Variants in SETD7 observed in about 807,000 individuals in gnomAD.
The protein encoded by SETD7 is histone-lysine N-methyltransferase SETD7.
Under a neutral mutation model 41.8 loss-of-function variants are expected in SETD7, and 16 were observed. The ratio of observed to expected loss-of-function variants is 0.38; its 90% CI spans 0.26 to 0.58. The LOEUF is 0.58. Ranked by LOEUF, SETD7 falls within the 20% of genes least tolerant of loss-of-function variation. The probability of loss-of-function intolerance (pLI) is 0.64; values close to 1 mark genes in which losing one functional copy is unlikely to be tolerated. For synonymous variants in SETD7, 163 were observed against 169.7 expected (o/e 0.96, Z 0.31); for missense variants, 346 against 459.7 (o/e 0.75, Z 2.26).
rs145373364 is a variant in SETD7 at position 139,550,463 on chromosome 4, G to T, written c.41-3414C>A. Among the ~76,000 whole-genome samples, 398 of 152,222 alleles carry T rather than the reference G, an allele frequency of 2.6e-3. 6 individuals are homozygous for T. Among genetic ancestry groups the T allele is most frequent in the African/African-American group, 9.1e-3 (379 of 41,534 alleles). On this transcript the variant is annotated intron_variant, in intron 1 of 7. Transcript: ENST00000274031. ...ATCAATTAAAGGAACTAGAGATTAAGGGTTGTGATCATTCGAGACTTCCAC... is the reference window on the plus strand; with the variant it reads ...ATCAATTAAAGGAACTAGAGATTAATGGTTGTGATCATTCGAGACTTCCAC...
chr4:139,536,859 C>T (rs185583820), intron 2 of SETD7, among the ~76,000 whole-genome samples: 44 of 152,208 alleles, frequency 2.9e-4, no homozygotes, highest in African/African-American at 6.7e-4. Flanking sequence ...AAAAATTAGC[C>T]GGACATGGTG....
At chr4:139,516,391 G>C (rs1727025402) in intron 7 of SETD7, among the ~76,000 whole-genome samples, 1 of 143,840 alleles carries the variant, frequency 7.0e-6, no homozygotes, top group South Asian at 2.2e-4. Context: ...GCTTGAACCT[G>C]GGAGGCAGAG....
chr4:139,500,246 G>T (rs936304629), intron 7 of SETD7, among the ~76,000 whole-genome samples: 3 of 151,950 alleles, frequency 2.0e-5, no homozygotes, highest in Admixed American at 2.0e-4. Flanking sequence ...TATGATGCAC[G>T]CCAGTTCAAC....
At chr4:139,544,797 A>AGTGTGTGTGT (rs10581648) in intron 2 of SETD7, among the ~76,000 whole-genome samples, 17,987 of 144,556 alleles carry the variant, frequency 0.12, 1,154 homozygotes, top group East Asian at 0.36. Flanking sequence ...CCAGATTTAA[A>AGTGTGTGTGT]GTGTGTGTGT....
chr4:139,526,900 A>T (rs1727349040), intron 4 of SETD7, among the ~76,000 whole-genome samples: 1 of 152,272 alleles, frequency 6.6e-6, no homozygotes, highest in Non-Finnish European at 1.5e-5. Context: ...GATCAAGGGC[A>T]TAGATATCAC....
chr4:139,503,568 G>A (rs570479550), downstream of SETD7, among the ~76,000 whole-genome samples: 8 of 152,116 alleles, frequency 5.3e-5, no homozygotes, highest in South Asian at 1.0e-3. Context: ...CACTTAAAAC[G>A]GCCTGATAAA....
chr4:139,546,790 A>G, intron 2 of SETD7, 130 bp downstream of exon 2: 8 of 1,256,476 alleles, frequency 6.4e-6, no homozygotes, highest in Non-Finnish European at 9.1e-6. Flanking sequence ...CAGTGCCTAC[A>G]GGTAGGGGTT....
At chr4:139,496,583 C>G in intron 7 of SETD7, 2 of 663,636 alleles carry the variant, frequency 3.0e-6, no homozygotes, top group East Asian at 5.5e-5. Flanking sequence ...ACATAGATCT[C>G]AAGCCACGGT....
In SETD7 at chr4:139,534,841, AGTCTT is replaced by A. The variant is rs1263847942; in HGVS notation, c.171-1480_171-1476del. The stretch of plus-strand genomic sequence containing the variant: ...GGCTGCACCTGACTCTGTCTGGTAA[AGTCTT>A]GACTTATTTCAATGAACAACTGTGA... On this transcript the variant is annotated intron_variant, in intron 2 of 7. Coordinates refer to ENST00000274031, the MANE Select transcript of SETD7 (RefSeq NM_030648.4). 2.0e-5 allele frequency among the ~76,000 whole-genome samples: 3 copies of A among 152,330 alleles called. No homozygotes were observed. The East Asian group carries it at 5.8e-4, about 29-fold the overall frequency.
rs889283992 is a variant in SETD7 at position 139,555,747 on chromosome 4, C to T, written c.40+351G>A. Among the ~76,000 whole-genome samples, 9 of 152,242 alleles carry T rather than the reference C, an allele frequency of 5.9e-5. No homozygotes were observed. The highest frequency in any genetic ancestry group is 5.9e-4 in the Admixed American group (9 of 15,300). On this transcript the variant is annotated intron_variant, in intron 1 of 7. Coordinates refer to ENST00000274031, the MANE Select transcript of SETD7 (RefSeq NM_030648.4). The surrounding 1 kb of genome is among the most constrained non-coding windows in gnomAD (Gnocchi z 4.0). ...CCGCCGGCCTCAAGGGGCTGCCCTG[C>T]GGAGTGCACCCACCCTCCGCGCCCA... is the stretch of plus-strand genomic sequence containing the variant.
intron 2 of SETD7, among the ~76,000 whole-genome samples, chr4:139,543,830 G>A (rs1051203606): frequency 4.0e-5 from 6 of 150,722 alleles, no homozygotes; most frequent in East Asian, 2.0e-4. Flanking sequence ...CGGGCGTGGT[G>A]GTGGGCGCCT....
At chr4:139,534,493 A>G (rs536163974) in intron 2 of SETD7, among the ~76,000 whole-genome samples, 107 of 152,082 alleles carry the variant, frequency 7.0e-4, no homozygotes, top group Non-Finnish European at 7.6e-4. Context: ...GGCTCAAGCC[A>G]TCCTCCCACC....
chr4:139,523,711 G>T (rs962953412), intron 4 of SETD7, among the ~76,000 whole-genome samples: 3 of 152,156 alleles, frequency 2.0e-5, no homozygotes, highest in African/African-American at 7.2e-5. Context: ...GGATGCTTGG[G>T]AATCAATAAA....
intron 1 of SETD7, among the ~76,000 whole-genome samples, chr4:139,547,369 A>G (rs990336530): frequency 6.6e-6 from 1 of 152,208 alleles, no homozygotes. Flanking sequence ...TATTATCTGC[A>G]GGGCATGTCA....
At chr4:139,518,901 A>G (rs182819115) in intron 6 of SETD7, among the ~76,000 whole-genome samples, 1 of 152,242 alleles carries the variant, frequency 6.6e-6, no homozygotes, top group Non-Finnish European at 1.5e-5. Context: ...TGATGACAGC[A>G]GCCCAGCCTT....
chr4:139,522,669 T>G (rs532510591), intron 5 of SETD7, among the ~76,000 whole-genome samples: 3 of 151,274 alleles, frequency 2.0e-5, no homozygotes, highest in Admixed American at 1.3e-4. Context: ...AGGGCCAGCA[T>G]GTGACTGCAG....
chr4:139,544,678 T>G (rs1727886728), intron 2 of SETD7, among the ~76,000 whole-genome samples: 1 of 152,186 alleles, frequency 6.6e-6, no homozygotes, highest in Admixed American at 6.5e-5. Context: ...CCATCAGTAC[T>G]CTGTGTATCA....
intron 2 of SETD7, among the ~76,000 whole-genome samples, chr4:139,540,478 G>A (rs540453406): frequency 6.6e-6 from 1 of 152,316 alleles, no homozygotes; most frequent in South Asian, 2.1e-4. Flanking sequence ...GAAAAAGAGG[G>A]TTGGTTCTAG....
At chr4:139,504,210 T>C (rs529890453), downstream of SETD7, among the ~76,000 whole-genome samples, 446 of 152,368 alleles carry the variant, frequency 2.9e-3, 4 homozygotes, top group Non-Finnish European at 5.2e-3. Context: ...AGTAAAAATT[T>C]GGTAGCAATC....
Sources: allele counts gnomAD v4.1 joint callset (sites outside exome capture counted in the v4.1 genomes callset), GRCh38; gene constraint gnomAD v4.1.1; non-coding constraint Gnocchi (gnomAD v3.1); transcripts MANE v1.5; gene names NCBI Gene and HGNC (gene_info 2026-07-23, HGNC 2026-07-21).